SH3BGR: variants seen among roughly 807,000 people sequenced by gnomAD.
The protein encoded by SH3BGR is SH3 domain-binding glutamic acid-rich protein.
SH3BGR carries 29 observed loss-of-function variants against 24.5 expected under a neutral mutation model. That is an observed-to-expected ratio of 1.18 (90% confidence interval 0.88 to 1.61). The LOEUF is 1.61. Ranked by LOEUF, SH3BGR falls within the 40% of genes most tolerant of loss-of-function variation. The pLI is 0.00. For synonymous variants in SH3BGR, 55 were observed against 65.7 expected (o/e 0.84, Z 0.79); for missense variants, 162 against 205.8 (o/e 0.79, Z 1.30).
At chr21:39,470,110 TTGA>T (rs1176878677) in intron 2 of SH3BGR, among the ~76,000 whole-genome samples, 1 of 152,236 alleles carries the variant, frequency 6.6e-6, no homozygotes, top group East Asian at 1.9e-4. Flanking sequence ...TAATCCTTTC[TTGA>T]TGTAATTTTA....
rs929409604 is a variant in SH3BGR, at chr21:39,500,824, G to T, written c.405+909G>T. Among the ~76,000 whole-genome samples the T allele has an allele frequency of 2.0e-5, 3 of 152,232 alleles. No homozygotes were observed. The East Asian group carries it at 5.8e-4, about 29-fold the overall frequency. On this transcript the variant is annotated intron_variant, in intron 4 of 6. Coordinates refer to ENST00000333634, the MANE Select transcript of SH3BGR (RefSeq NM_007341.3). ...GAAAGGGGCTGAGACCCACACCCAC[G>T]CTATGGAAAAAGGGGTGTGGGGCTG...
rs2077581624 is a variant in SH3BGR, at chr21:39,451,996, C to G, written c.-101C>G. 6.2e-7 allele frequency: 1 copy of G among 1,614,184 alleles called. No individual in the cohort carries two copies. The highest frequency in any genetic ancestry group is 1.3e-5 in the African/African-American group (1 of 75,052). On this transcript the variant is annotated 5_prime_UTR_variant, in exon 1 of 7. Coordinates refer to ENST00000333634, the MANE Select transcript of SH3BGR (RefSeq NM_007341.3). Reference sequence around the variant, plus strand: ...GTGGACCCCTGGGCTGCTGCCAGCCCCGACCTGGCACTTGCTTGCCTGTGT... The same window carrying G: ...GTGGACCCCTGGGCTGCTGCCAGCCGCGACCTGGCACTTGCTTGCCTGTGT...
At chr21:39,470,535 G>T (rs1023278813) in intron 2 of SH3BGR, among the ~76,000 whole-genome samples, 1 of 152,080 alleles carries the variant, frequency 6.6e-6, no homozygotes. Context: ...GTGCTGGGAT[G>T]ACAGATGTGA....
rs1467365779 is a variant in SH3BGR at position 39,499,774 on chromosome 21, T to A, written c.313-49T>A. On this transcript the variant is annotated intron_variant, in intron 3 of 6. Coordinates refer to ENST00000333634, the MANE Select transcript of SH3BGR (RefSeq NM_007341.3). ...CAGCATATGTGGCCTGTTTTTTTTT[T>A]TCTTTTTTCTGTTTTTGAGCTCATA... 11 of 1,421,374 alleles carry A rather than the reference T, an allele frequency of 7.7e-6. No individual in the cohort carries two copies. The African/African-American group carries it at 1.4e-4, about 19-fold the overall frequency. 88.0% of individuals were successfully genotyped at this position (1,421,374 alleles called of 1,614,324 possible).
At chr21:39,452,612 G>T (rs957490618) in intron 1 of SH3BGR, among the ~76,000 whole-genome samples, 9 of 152,218 alleles carry the variant, frequency 5.9e-5, no homozygotes, top group South Asian at 4.1e-4. Flanking sequence ...CATACTGAAA[G>T]TGTAAAGTTA....
At chr21:39,470,093 G>GT (rs1485634797) in intron 2 of SH3BGR, among the ~76,000 whole-genome samples, 2 of 151,728 alleles carry the variant, frequency 1.3e-5, no homozygotes, top group African/African-American at 2.4e-5. Flanking sequence ...CAGTTTTGCA[G>GT]TTTTTTTAAT....
chr21:39,458,857 G>C (rs902997457), intron 1 of SH3BGR, among the ~76,000 whole-genome samples: 1 of 152,080 alleles, frequency 6.6e-6, no homozygotes, highest in Non-Finnish European at 1.5e-5. Context: ...ATGTTGGCCA[G>C]GCTGGTCTCG....
At chr21:39,479,101 G>A (rs544675665) in intron 3 of SH3BGR, among the ~76,000 whole-genome samples, 1 of 152,296 alleles carries the variant, frequency 6.6e-6, no homozygotes, top group South Asian at 2.1e-4. Flanking sequence ...GGCAGTGGTG[G>A]GTGCATGTCT....
rs1343313319 is a variant in SH3BGR, at chr21:39,513,897, GA to G, written c.*35-1188del. Among the ~76,000 whole-genome samples, 10 of 152,246 alleles carry G rather than the reference GA, an allele frequency of 6.6e-5. No individual in the cohort carries two copies. In the East Asian group the frequency reaches 1.9e-3, roughly 29 times the overall value. ...GCAGTTTTAATGTGATAATTATAAA[GA>G]AATATTGGATGTGAAATGGCACAGC... On this transcript the variant is annotated intron_variant, in intron 6 of 6. Coordinates refer to ENST00000333634, the MANE Select transcript of SH3BGR (RefSeq NM_007341.3).
chr21:39,474,263 G>C (rs1054540660), intron 2 of SH3BGR, among the ~76,000 whole-genome samples: 1 of 152,168 alleles, frequency 6.6e-6, no homozygotes, highest in African/African-American at 2.4e-5. Context: ...ACCACGCCTG[G>C]CTGGTTTTAA....
intron 1 of SH3BGR, among the ~76,000 whole-genome samples, chr21:39,453,539 A>G (rs1246533787): frequency 6.6e-6 from 1 of 152,224 alleles, no homozygotes; most frequent in Non-Finnish European, 1.5e-5. Context: ...TCTTCAGAAG[A>G]CAATCAATAA....
intron 2 of SH3BGR, among the ~76,000 whole-genome samples, chr21:39,473,889 A>AC (rs1278082317): frequency 6.6e-6 from 1 of 151,378 alleles, no homozygotes; most frequent in Non-Finnish European, 1.5e-5. Context: ...TGTCTCAAAA[A>AC]AAAAAACAAA....
At chr21:39,451,939 C>G (rs1373620161), upstream of SH3BGR, 1 of 1,614,138 alleles carries the variant, frequency 6.2e-7, no homozygotes. Flanking sequence ...GAGACAGAGC[C>G]TCTTAAGTTG....
In SH3BGR at chr21:39,490,568, C is replaced by T. The variant is rs186092080; in HGVS notation, c.313-9255C>T. ...TTCTGTAATTATCAGCTGTCTTTTA[C>T]AATTTCTGGTAACGCCCTTTGTCTT... On this transcript the variant is annotated intron_variant, in intron 3 of 6. Transcript: ENST00000333634. Among the ~76,000 whole-genome samples, 357 of 152,248 alleles carry T rather than the reference C, an allele frequency of 2.3e-3. 2 individuals are homozygous for T. Among genetic ancestry groups the T allele is most frequent in the African/African-American group, 8.2e-3 (342 of 41,548 alleles).
chr21:39,446,551 A>G (rs1357930532), intron 1 of SH3BGR, among the ~76,000 whole-genome samples: 1 of 152,200 alleles, frequency 6.6e-6, no homozygotes, highest in Non-Finnish European at 1.5e-5. Flanking sequence ...CTTGGCCCGC[A>G]TTGGAAATTC....
intron 3 of SH3BGR, among the ~76,000 whole-genome samples, chr21:39,498,748 ATCTC>A (rs983231868): frequency 4.0e-5 from 6 of 151,072 alleles, no homozygotes; most frequent in African/African-American, 1.5e-4. Flanking sequence ...CTTGGTCCTA[ATCTC>A]TCTCTCTCTC....
chr21:39,513,137 A>G (rs2078725833), intron 6 of SH3BGR, among the ~76,000 whole-genome samples: 1 of 152,226 alleles, frequency 6.6e-6, no homozygotes, highest in African/African-American at 2.4e-5. Context: ...AATGAGAGAC[A>G]CTTATCAAAC....
intron 2 of SH3BGR, among the ~76,000 whole-genome samples, chr21:39,465,827 A>G (rs1330094933): frequency 6.6e-6 from 1 of 152,118 alleles, no homozygotes; most frequent in Non-Finnish European, 1.5e-5. Flanking sequence ...CCTGGCTTCA[A>G]GTGATGCACC....
At chr21:39,505,812 A>G (rs888930592) in intron 4 of SH3BGR, among the ~76,000 whole-genome samples, 4 of 152,200 alleles carry the variant, frequency 2.6e-5, no homozygotes, top group African/African-American at 7.2e-5. Context: ...CTAGCTAACT[A>G]TAAAAGTTGA....
Sources: allele counts gnomAD v4.1 joint callset (sites outside exome capture counted in the v4.1 genomes callset), GRCh38; gene constraint gnomAD v4.1.1; transcripts MANE v1.5; gene names NCBI Gene and HGNC (gene_info 2026-07-23, HGNC 2026-07-21).